Variants in ME3 observed in about 807,000 individuals in gnomAD.
ME3 encodes NADP-dependent malic enzyme, mitochondrial.
ME3 carries 48 observed loss-of-function variants against 68.9 expected under a neutral mutation model. The observed-to-expected ratio is 0.70, with a 90% confidence interval of 0.55 to 0.89. The LOEUF is 0.89. Among genes scored for constraint, ME3 ranks in the 40% least tolerant of loss-of-function variants. The pLI is 0.00. For missense variants in ME3, 675 were observed against 797.4 expected, an observed-to-expected ratio of 0.85 and a Z score of 1.85; for synonymous variants, 320 against 318.8, an observed-to-expected ratio of 1.00 and a Z score of -0.04.
chr11:86,643,301 C>A (rs1944783937), intron 2 of ME3, among the ~76,000 whole-genome samples: 1 of 55,268 alleles, frequency 1.8e-5, no homozygotes, highest in Non-Finnish European at 3.6e-5. Flanking sequence ...AGGCAAACAG[C>A]AGCCCATGCC....
intron 7 of ME3, among the ~76,000 whole-genome samples, chr11:86,481,124 T>C (rs767204209): frequency 9.7e-4 from 147 of 152,048 alleles, no homozygotes; most frequent in Middle Eastern, 3.4e-3. Flanking sequence ...TCACTGCAGC[T>C]TCAAACCCCT....
At chr11:86,515,940 G>A (rs1311991799) in intron 4 of ME3, among the ~76,000 whole-genome samples, 3 of 152,154 alleles carry the variant, frequency 2.0e-5, no homozygotes, top group Non-Finnish European at 2.9e-5. Context: ...TCCAGCTTTT[G>A]AGCAAATTAT....
intron 2 of ME3, among the ~76,000 whole-genome samples, chr11:86,602,449 A>G (rs887178365): frequency 6.6e-6 from 1 of 152,198 alleles, no homozygotes; most frequent in African/African-American, 2.4e-5. Flanking sequence ...TCAATGAAAT[A>G]AAAGAGGATA....
chr11:86,549,241 A>G (rs1156946254), intron 4 of ME3, among the ~76,000 whole-genome samples: 2 of 152,100 alleles, frequency 1.3e-5, no homozygotes, highest in Non-Finnish European at 2.9e-5. Context: ...TCTATTGTAA[A>G]GTTTTGACCA....
At chr11:86,641,848 G>A in intron 2 of ME3, among the ~76,000 whole-genome samples, 1 of 152,052 alleles carries the variant, frequency 6.6e-6, no homozygotes, top group Non-Finnish European at 1.5e-5. Flanking sequence ...TGGTATTTTT[G>A]TTCCTGATGC....
chr11:86,498,116 C>T (rs1952483235), exon 6 of ME3: 3 of 1,609,962 alleles, frequency 1.9e-6, no homozygotes, highest in South Asian at 1.1e-5. Context: ...CATCAGTCAC[C>T]ACCACGGCCT....
intron 2 of ME3, among the ~76,000 whole-genome samples, chr11:86,653,643 A>G (rs1479057604): frequency 6.6e-6 from 1 of 152,134 alleles, no homozygotes; most frequent in Non-Finnish European, 1.5e-5. Context: ...AGAGAAAGCA[A>G]GAAAGATCTA....
At chr11:86,566,703 T>G (rs1228399111) in intron 2 of ME3, among the ~76,000 whole-genome samples, 1 of 152,204 alleles carries the variant, frequency 6.6e-6, no homozygotes, top group Non-Finnish European at 1.5e-5. Flanking sequence ...CCACGGCTGT[T>G]ACTTCACACT....
chr11:86,448,165 G>C, exon 11 of ME3: 1 of 1,613,310 alleles, frequency 6.2e-7, no homozygotes, highest in Non-Finnish European at 8.5e-7. Flanking sequence ...ATGGCTGTGG[G>C]CTTCACCAGC....
intron 2 of ME3, among the ~76,000 whole-genome samples, chr11:86,628,113 G>A (rs1018779559): frequency 4.1e-4 from 62 of 152,200 alleles, no homozygotes; most frequent in Non-Finnish European, 5.9e-4. Flanking sequence ...TTGGGTGCTG[G>A]CATCTCAAAC....
intron 6 of ME3, among the ~76,000 whole-genome samples, chr11:86,497,087 G>T (rs924830881): frequency 6.6e-6 from 1 of 152,070 alleles, no homozygotes; most frequent in Non-Finnish European, 1.5e-5. Flanking sequence ...GTTCTCCTGG[G>T]ATTCTCCTGT....
At chr11:86,632,050 C>A (rs1279692953) in intron 2 of ME3, among the ~76,000 whole-genome samples, 1 of 152,108 alleles carries the variant, frequency 6.6e-6, no homozygotes, top group Non-Finnish European at 1.5e-5. Flanking sequence ...TTTATTTTAC[C>A]TATATGAAGA....
intron 2 of ME3, among the ~76,000 whole-genome samples, chr11:86,620,548 A>T (rs916470955): frequency 6.6e-6 from 1 of 152,218 alleles, no homozygotes; most frequent in Non-Finnish European, 1.5e-5. Context: ...TGGAGTTAGT[A>T]TGTGAAATCA....
intron 4 of ME3, among the ~76,000 whole-genome samples, chr11:86,527,660 G>T (rs979829235): frequency 1.4e-4 from 21 of 152,136 alleles, no homozygotes; most frequent in African/African-American, 3.6e-4. Context: ...CTGATCTCTT[G>T]GCAGAAACTC....
At chr11:86,515,896 C>T (rs681158) in intron 4 of ME3, among the ~76,000 whole-genome samples, 13,664 of 152,168 alleles carry the variant, frequency 0.09, 814 homozygotes, top group East Asian at 0.26. Flanking sequence ...CACAGGAAGC[C>T]GCAGGCCAGG....
intron 2 of ME3, among the ~76,000 whole-genome samples, chr11:86,646,588 A>G (rs1945030229): frequency 6.6e-6 from 1 of 152,230 alleles, no homozygotes; most frequent in African/African-American, 2.4e-5. Flanking sequence ...GGTGTACCTG[A>G]AAGTGACGAG....
At chr11:86,610,945 G>A (rs530074877) in intron 2 of ME3, among the ~76,000 whole-genome samples, 12 of 152,340 alleles carry the variant, frequency 7.9e-5, no homozygotes, top group Non-Finnish European at 1.5e-5. Flanking sequence ...TCAGGCAGCT[G>A]TAGCACTGGG....
intron 4 of ME3, among the ~76,000 whole-genome samples, chr11:86,527,450 T>C (rs1232891739): frequency 1.3e-5 from 2 of 152,196 alleles, no homozygotes; most frequent in Non-Finnish European, 2.9e-5. Flanking sequence ...TGCCGGATAT[T>C]ATACATGAGA....
chr11:86,668,878 C>T (rs762771062), intron 2 of ME3, among the ~76,000 whole-genome samples: 6 of 152,118 alleles, frequency 3.9e-5, no homozygotes, highest in African/African-American at 1.2e-4. Flanking sequence ...CACAGGTGGA[C>T]GAATCTCATT....
Sources: gnomAD v4.1 joint callset for allele counts (sites outside exome capture counted in the v4.1 genomes callset) on GRCh38, gnomAD v4.1.1 for gene constraint, MANE v1.5 for transcripts, NCBI Gene and HGNC (gene_info 2026-07-23, HGNC 2026-07-21) for gene names.